The following LDLRAD3 variants were observed in gnomAD, a reference collection of about 807,000 sequenced individuals.
LDLRAD3 encodes low-density lipoprotein receptor class A domain-containing protein 3.
A neutral mutation model predicts 29.4 loss-of-function variants in LDLRAD3; 20 were observed. That is an observed-to-expected ratio of 0.68 (90% CI 0.48 to 0.99). The LOEUF (loss-of-function observed/expected upper bound fraction) is 0.99. LDLRAD3 is among the 50% of genes least tolerant of loss of function. LDLRAD3 has a pLI of 0.00. For missense variants in LDLRAD3, 420 were observed against 454.3 expected, an observed-to-expected ratio of 0.92 and a Z score of 0.69; for synonymous variants, 157 against 192.7, an observed-to-expected ratio of 0.81 and a Z score of 1.53.
chr11:36,041,992 C>T (rs1181198587), intron 2 of LDLRAD3, among the ~76,000 whole-genome samples: 1 of 152,140 alleles, frequency 6.6e-6, no homozygotes, highest in African/African-American at 2.4e-5. Context: ...TTGAATTTTA[C>T]TTGCTTTTAC....
At chr11:36,025,210 G>A (rs1276932212) in intron 1 of LDLRAD3, among the ~76,000 whole-genome samples, 1 of 151,988 alleles carries the variant, frequency 6.6e-6, no homozygotes, top group Non-Finnish European at 1.5e-5. Context: ...GCTTCCATAT[G>A]TCTTTCATAG....
At chr11:36,159,715 G>A (rs1201902185) in intron 4 of LDLRAD3, among the ~76,000 whole-genome samples, 1 of 150,994 alleles carries the variant, frequency 6.6e-6, no homozygotes, top group East Asian at 1.9e-4. Flanking sequence ...TGAGGCTGCA[G>A]TAAGCCCAGA....
chr11:36,214,081 C>T (rs748353456), intron 4 of LDLRAD3, among the ~76,000 whole-genome samples: 1 of 152,190 alleles, frequency 6.6e-6, no homozygotes, highest in Non-Finnish European at 1.5e-5. Flanking sequence ...TTTCAGTTGC[C>T]TCTTTTAAAC....
At chr11:36,202,698 C>T (rs1051775954) in intron 4 of LDLRAD3, among the ~76,000 whole-genome samples, 1 of 152,038 alleles carries the variant, frequency 6.6e-6, no homozygotes, top group African/African-American at 2.4e-5. Flanking sequence ...ATTATAAGTC[C>T]CCAGTTTAGG....
intron 2 of LDLRAD3, among the ~76,000 whole-genome samples, chr11:36,048,089 A>G (rs1043812689): frequency 6.6e-6 from 1 of 152,146 alleles, no homozygotes; most frequent in African/African-American, 2.4e-5. Context: ...TAAGAGAGAG[A>G]GCCTCCAGGG....
chr11:36,080,070 T>G (rs1853087115), intron 2 of LDLRAD3, among the ~76,000 whole-genome samples: 1 of 152,206 alleles, frequency 6.6e-6, no homozygotes, highest in Non-Finnish European at 1.5e-5. Flanking sequence ...GATTGTGAGT[T>G]GGCTGTTGCC....
chr11:36,025,736 G>A (rs1479379352), intron 1 of LDLRAD3, among the ~76,000 whole-genome samples: 2 of 146,782 alleles, frequency 1.4e-5, no homozygotes, highest in Non-Finnish European at 3.0e-5. Flanking sequence ...CATTATGTAC[G>A]ATCCCAGTTG....
At chr11:36,221,949 A>C (rs185801491) in intron 4 of LDLRAD3, among the ~76,000 whole-genome samples, 1 of 152,318 alleles carries the variant, frequency 6.6e-6, no homozygotes, top group East Asian at 1.9e-4. Context: ...CTAATTTTAA[A>C]AATAGGTACA....
intron 4 of LDLRAD3, among the ~76,000 whole-genome samples, chr11:36,194,298 C>A (rs1420566254): frequency 2.0e-5 from 3 of 152,288 alleles, no homozygotes; most frequent in African/African-American, 7.2e-5. Context: ...ATTAGTAGGG[C>A]AGGCGTCTCT....
intron 4 of LDLRAD3, among the ~76,000 whole-genome samples, chr11:36,099,921 C>T (rs980418282): frequency 6.6e-6 from 1 of 152,146 alleles, no homozygotes; most frequent in Non-Finnish European, 1.5e-5. Flanking sequence ...ATTGTCTTTG[C>T]CTGGAAAATG....
intron 4 of LDLRAD3, among the ~76,000 whole-genome samples, chr11:36,191,105 C>A (rs1854934519): frequency 6.6e-6 from 1 of 152,136 alleles, no homozygotes; most frequent in Non-Finnish European, 1.5e-5. Flanking sequence ...GGGGATCCAA[C>A]CTTAGAGAGT....
chr11:35,954,528 A>G (rs1851177419), intron 1 of LDLRAD3, among the ~76,000 whole-genome samples: 1 of 152,240 alleles, frequency 6.6e-6, no homozygotes, highest in South Asian at 2.1e-4. Context: ...ACAAGAAGGA[A>G]TGAAGGGGAT....
At chr11:36,128,311 G>T (rs1853872432) in intron 4 of LDLRAD3, among the ~76,000 whole-genome samples, 1 of 151,984 alleles carries the variant, frequency 6.6e-6, no homozygotes, top group African/African-American at 2.4e-5. Flanking sequence ...GCTAGCTGGA[G>T]AATATTGGTC....
intron 4 of LDLRAD3, among the ~76,000 whole-genome samples, chr11:36,149,131 C>A (rs1486338392): frequency 6.6e-6 from 1 of 152,080 alleles, no homozygotes; most frequent in African/African-American, 2.4e-5. Context: ...CTGTTGAGTA[C>A]CAAGGTAGCA....
chr11:36,036,052 T>G, intron 1 of LDLRAD3, 51 bp from the exon 2 acceptor site: 5 of 1,584,758 alleles, frequency 3.2e-6, no homozygotes, highest in Non-Finnish European at 4.3e-6. Context: ...TGAGGGGCGC[T>G]GAGGTCCCTG....
chr11:36,043,013 A>G (rs1852402249), intron 2 of LDLRAD3, among the ~76,000 whole-genome samples: 1 of 152,162 alleles, frequency 6.6e-6, no homozygotes. Context: ...TTTGTTTAAA[A>G]AAAAAAAATT....
At chr11:36,153,382 A>G (rs559117295) in intron 4 of LDLRAD3, among the ~76,000 whole-genome samples, 145 of 152,308 alleles carry the variant, frequency 9.5e-4, no homozygotes, top group South Asian at 1.9e-3. Flanking sequence ...TAAATTCCAT[A>G]TAAGTTTCTG....
intron 1 of LDLRAD3, among the ~76,000 whole-genome samples, chr11:36,007,825 C>T (rs262407): frequency 0.88 from 134,484 of 152,218 alleles, 60,252 homozygotes; most frequent in East Asian, 0.98. Context: ...GAGAATCCGA[C>T]AGGCTGCAAT....
At chr11:36,109,594 A>G (rs1449370622) in intron 4 of LDLRAD3, among the ~76,000 whole-genome samples, 1 of 152,162 alleles carries the variant, frequency 6.6e-6, no homozygotes, top group Non-Finnish European at 1.5e-5. Flanking sequence ...AAGAGCTTAT[A>G]CTTTTGGAAT....
Sources: gnomAD v4.1 joint callset for allele counts (sites outside exome capture counted in the v4.1 genomes callset) on GRCh38, gnomAD v4.1.1 for gene constraint, MANE v1.5 for transcripts, NCBI Gene and HGNC (gene_info 2026-07-23, HGNC 2026-07-21) for gene names.